The following ZFP1 variants were observed in gnomAD, a reference collection of about 807,000 sequenced individuals.
ZFP1 encodes the protein ZFP1 zinc finger protein, also known as zinc finger protein 1 homolog.
ZFP1 carries 32 observed loss-of-function variants against 38.5 expected under a neutral mutation model. That is an observed-to-expected ratio of 0.83 (90% confidence interval 0.63 to 1.12). ZFP1 has a LOEUF of 1.12. Among genes scored for constraint, ZFP1 ranks in the 50% most tolerant of loss-of-function variants. The pLI is 0.00. For synonymous variants in ZFP1, 245 were observed against 168.8 expected (o/e 1.45, Z -3.50); for missense variants, 616 against 480.8 (o/e 1.28, Z -2.63).
At chr16:75,159,343 C>G (rs1325396792) in intron 2 of ZFP1, among the ~76,000 whole-genome samples, 18 of 7,124 alleles carry the variant, frequency 2.5e-3, no homozygotes, top group African/African-American at 4.0e-3. Flanking sequence ...CCCTCCCTCC[C>G]TCCCTCCCTT....
chr16:75,168,145 G>T (rs895000227), intron 3 of ZFP1, among the ~76,000 whole-genome samples: 1 of 152,154 alleles, frequency 6.6e-6, no homozygotes, highest in African/African-American at 2.4e-5. Context: ...GCATGAGCCA[G>T]TGTGCCTGGC....
the ZFP1 span, among the ~76,000 whole-genome samples, chr16:75,141,702 G>A: frequency 2.6e-5 from 4 of 151,248 alleles, no homozygotes; most frequent in Non-Finnish European, 5.9e-5. Flanking sequence ...GCCTGGGCAG[G>A]ATAGGGAGAC....
At chr16:75,161,800 T>TTTTTC (rs1398652410) in intron 2 of ZFP1, among the ~76,000 whole-genome samples, 1 of 114,890 alleles carries the variant, frequency 8.7e-6, no homozygotes, top group East Asian at 2.5e-4. Flanking sequence ...TTTTTTTTTT[T>TTTTTC]CCTGAGATGG....
chr16:75,151,905 T>G (rs907541329), intron 1 of ZFP1, among the ~76,000 whole-genome samples: 3 of 152,222 alleles, frequency 2.0e-5, no homozygotes, highest in African/African-American at 7.2e-5. Flanking sequence ...TTTTGTTGTT[T>G]GAAAAAGGTT....
chr16:75,151,128 G>C (rs1862741), intron 1 of ZFP1, among the ~76,000 whole-genome samples: 119,375 of 151,940 alleles, frequency 0.79, 47,997 homozygotes, highest in Non-Finnish European at 0.87. Flanking sequence ...CAAAGTGCTG[G>C]GTTTACAGGC....
At chr16:75,120,603 G>C in the ZFP1 span, among the ~76,000 whole-genome samples, 3 of 147,848 alleles carry the variant, frequency 2.0e-5, no homozygotes, top group African/African-American at 7.6e-5. Context: ...TTTTTGTATT[G>C]TTTGTTTGTT....
intron 2 of ZFP1, among the ~76,000 whole-genome samples, chr16:75,166,095 C>T (rs1461218466): frequency 6.6e-6 from 1 of 152,158 alleles, no homozygotes; most frequent in African/African-American, 2.4e-5. Flanking sequence ...GTTGGAAGTT[C>T]ATCTTCTGCC....
At chr16:75,164,646 C>G (rs752063644) in intron 2 of ZFP1, among the ~76,000 whole-genome samples, 9 of 152,094 alleles carry the variant, frequency 5.9e-5, no homozygotes, top group Admixed American at 3.3e-4. Context: ...GTGTCAAACT[C>G]TGGCTCGTTG....
At chr16:75,144,819 TC>T (rs1210066071), upstream of ZFP1, among the ~76,000 whole-genome samples, 1 of 152,154 alleles carries the variant, frequency 6.6e-6, no homozygotes, top group Non-Finnish European at 1.5e-5. Flanking sequence ...GTGTCTGCCT[TC>T]TTTCTTTTTT....
intron 2 of ZFP1, among the ~76,000 whole-genome samples, chr16:75,155,377 A>G (rs1286959952): frequency 6.6e-6 from 1 of 152,166 alleles, no homozygotes; most frequent in Non-Finnish European, 1.5e-5. Context: ...CAAGCAATCC[A>G]TGTCCACCTC....
chr16:75,131,704 C>T, the ZFP1 span, among the ~76,000 whole-genome samples: 11 of 152,330 alleles, frequency 7.2e-5, no homozygotes, highest in African/African-American at 2.6e-4. Flanking sequence ...CGGCTCACGC[C>T]TGTAATCCCA....
the ZFP1 span, among the ~76,000 whole-genome samples, chr16:75,124,026 A>G: frequency 6.6e-6 from 1 of 151,684 alleles, no homozygotes; most frequent in Non-Finnish European, 1.5e-5. Context: ...CCCAGGAAGC[A>G]GAGGTTGCAG....
rs1192001373 is a variant in ZFP1, at chr16:75,171,082, A to G, written c.*748A>G. On this transcript the variant is annotated 3_prime_UTR_variant, in exon 4 of 4. Transcript: ENST00000570010. ...GCAGACATGAGCTGTACTACTCAGT[A>G]TGCACCACAGAATAAGAGTTTGCCG... The G allele has an allele frequency of 6.6e-6, 1 of 152,264 alleles. No homozygotes were observed. The highest frequency in any genetic ancestry group is 1.5e-5 in the Non-Finnish European group (1 of 68,050). The allele number at this position is 152,264 out of a possible 1,614,324, so 9.4% of individuals were successfully genotyped here. A position where few individuals can be genotyped will look rare whatever the true frequency, so the allele number is the denominator to read the frequency against.
At chr16:75,122,501 A>C in the ZFP1 span, among the ~76,000 whole-genome samples, 1 of 152,246 alleles carries the variant, frequency 6.6e-6, no homozygotes, top group Non-Finnish European at 1.5e-5. Flanking sequence ...AAAGAGAACC[A>C]GGAAGCTAAA....
At chr16:75,149,279 A>C (rs958914184) in intron 1 of ZFP1, 2 of 152,100 alleles carry the variant, frequency 1.3e-5, no homozygotes, top group Admixed American at 1.3e-4. Context: ...TGAGCAGCAG[A>C]TATTTTTTCA....
chr16:75,131,845 A>G, the ZFP1 span, among the ~76,000 whole-genome samples: 7 of 151,966 alleles, frequency 4.6e-5, no homozygotes, highest in Admixed American at 2.0e-4. Flanking sequence ...GACACCTGTA[A>G]TCTCAGCTAC....
chr16:75,130,947 C>T, the ZFP1 span, among the ~76,000 whole-genome samples: 1 of 152,034 alleles, frequency 6.6e-6, no homozygotes, highest in African/African-American at 2.4e-5. Flanking sequence ...CCTGCTGTGC[C>T]CTGCTGACCT....
the ZFP1 span, among the ~76,000 whole-genome samples, chr16:75,125,485 G>A: frequency 6.6e-6 from 1 of 151,884 alleles, no homozygotes; most frequent in East Asian, 1.9e-4. Flanking sequence ...ACCACACCTG[G>A]CTAATTTTGT....
chr16:75,134,384 A>G, the ZFP1 span, among the ~76,000 whole-genome samples: 1 of 152,156 alleles, frequency 6.6e-6, no homozygotes, highest in Non-Finnish European at 1.5e-5. Flanking sequence ...ATTAAAGATA[A>G]TGAACTTGAG....
Sources: allele counts gnomAD v4.1 joint callset (sites outside exome capture counted in the v4.1 genomes callset), GRCh38; gene constraint gnomAD v4.1.1; transcripts MANE v1.5; gene names NCBI Gene and HGNC (gene_info 2026-07-23, HGNC 2026-07-21).